The following VSTM2B variants were observed in gnomAD, a reference collection of about 807,000 sequenced individuals.
VSTM2B encodes the protein V-set and transmembrane domain-containing protein 2B.
Under a neutral mutation model 24.0 loss-of-function variants are expected in VSTM2B, and 24 were observed. The ratio of observed to expected loss-of-function variants is 1.00; its 90% CI spans 0.72 to 1.40. The LOEUF is 1.40. Ranked by LOEUF, VSTM2B falls within the 40% of genes most tolerant of loss-of-function variation. VSTM2B has a pLI of 0.00. For synonymous variants in VSTM2B, 226 were observed against 194.4 expected (o/e 1.16, Z -1.35); for missense variants, 399 against 416.4 (o/e 0.96, Z 0.36).
chr19:29,547,245 C>G (rs1381989961), intron 4 of VSTM2B, among the ~76,000 whole-genome samples: 1 of 152,176 alleles, frequency 6.6e-6, no homozygotes, highest in Non-Finnish European at 1.5e-5. Context: ...TTCTGCAATT[C>G]AGATTCAATG....
chr19:29,563,790 C>A, intron 4 of VSTM2B, 56 bp from the exon 5 acceptor site: 3 of 1,477,150 alleles, frequency 2.0e-6, no homozygotes, highest in Non-Finnish European at 2.8e-6. Context: ...CTGCTGTGAG[C>A]TCCTAGGTTC....
intron 4 of VSTM2B, among the ~76,000 whole-genome samples, chr19:29,541,795 G>T (rs1847333403): frequency 2.0e-5 from 3 of 151,616 alleles, no homozygotes; most frequent in African/African-American, 7.3e-5. Context: ...AAGGATAAAT[G>T]AATGGGTGAA....
intron 4 of VSTM2B, among the ~76,000 whole-genome samples, chr19:29,554,471 A>T (rs1970362488): frequency 1.3e-5 from 2 of 152,222 alleles, no homozygotes; most frequent in Admixed American, 6.5e-5. Flanking sequence ...AAACACACTG[A>T]AGTACAAAGA....
chr19:29,553,254 T>C (rs954241789), intron 4 of VSTM2B, among the ~76,000 whole-genome samples: 1 of 152,208 alleles, frequency 6.6e-6, no homozygotes, highest in Non-Finnish European at 1.5e-5. Context: ...CAGGCAGCCA[T>C]CTTTGCTGTT....
Position 29,529,828 on chromosome 19 carries a change from G to T in VSTM2B, c.307G>T (p.Val103Phe). ...CCCTGCTCTCTTGCAGACCGTACGC[G>T]TCCAGGGCAATGACATCTCACACCG... is the stretch of plus-strand genomic sequence containing the variant. ...KDATKISTVR[V>F]QGNDISHRLR... is the part of the protein sequence containing the mutation. Residue 103 changes from valine to phenylalanine, a missense_variant, in exon 4 of 5, where the codon GTC (valine) becomes TTC (phenylalanine). Coordinates refer to ENST00000335523, the MANE Select transcript of VSTM2B (RefSeq NM_001146339.2). The T allele has an allele frequency of 6.5e-7, 1 of 1,549,642 alleles. No individual in the cohort carries two copies. The highest frequency in any genetic ancestry group is 2.4e-5 in the East Asian group (1 of 40,858).
At chr19:29,528,401 C>T in intron 2 of VSTM2B, 32 bp from the exon 3 acceptor site, 1 of 1,551,140 alleles carries the variant, frequency 6.4e-7, no homozygotes, top group South Asian at 1.2e-5. Flanking sequence ...GGCCGCGAGC[C>T]TCACGTCTCT....
chr19:29,530,343 CT>C, intron 4 of VSTM2B, 53 bp downstream of exon 4: 1 of 1,415,748 alleles, frequency 7.1e-7, no homozygotes, highest in South Asian at 1.4e-5. Context: ...AGGGCTAGGG[CT>C]GCGCCGGGAC....
intron 4 of VSTM2B, among the ~76,000 whole-genome samples, chr19:29,532,503 C>T (rs936459202): frequency 2.0e-5 from 3 of 152,112 alleles, no homozygotes; most frequent in African/African-American, 7.2e-5. Flanking sequence ...CCCTTGGGCC[C>T]CAGCAAGGAA....
At chr19:29,549,571 G>T (rs567541783) in intron 4 of VSTM2B, among the ~76,000 whole-genome samples, 35 of 151,212 alleles carry the variant, frequency 2.3e-4, no homozygotes, top group Admixed American at 1.7e-3. Context: ...CCCAGACACT[G>T]GCCCCAATGC....
chr19:29,556,467 C>T (rs1437100870), intron 4 of VSTM2B, among the ~76,000 whole-genome samples: 1 of 152,160 alleles, frequency 6.6e-6, no homozygotes, highest in African/African-American at 2.4e-5. Flanking sequence ...CCCTTGAAAA[C>T]CAGCACAGGA....
In VSTM2B at chr19:29,526,583, G is replaced by A. The variant is rs1389291471; in HGVS notation, c.-1G>A. The stretch of plus-strand genomic sequence containing the variant: ...CGCCGCCACCGCGCCCCCCGCGGGA[G>A]ATGGAACAGCGGAACCGGCTCGGTG... On this transcript the variant is annotated 5_prime_UTR_variant, in exon 1 of 5. Transcript: ENST00000335523. The surrounding 1 kb of genome is among the most constrained non-coding windows in gnomAD (Gnocchi z 4.1). The A allele has an allele frequency of 1.3e-6, 2 of 1,516,802 alleles. No individual in the cohort carries two copies. The highest frequency in any genetic ancestry group is 1.8e-6 in the Non-Finnish European group (2 of 1,137,896). The allele number at this position is 1,516,802 out of a possible 1,614,324, so 94.0% of individuals were successfully genotyped here.
chr19:29,559,422 G>A (rs1261656550), intron 4 of VSTM2B, among the ~76,000 whole-genome samples: 1 of 152,126 alleles, frequency 6.6e-6, no homozygotes, highest in East Asian at 1.9e-4. Context: ...GAGAACACAT[G>A]GACACGGGAG....
At chr19:29,559,432 G>A (rs1970480475) in intron 4 of VSTM2B, among the ~76,000 whole-genome samples, 1 of 152,172 alleles carries the variant, frequency 6.6e-6, no homozygotes. Flanking sequence ...GGACACGGGA[G>A]GGGAACGTCA....
intron 4 of VSTM2B, among the ~76,000 whole-genome samples, chr19:29,544,138 A>T (rs1020037838): frequency 1.3e-5 from 2 of 151,262 alleles, no homozygotes; most frequent in African/African-American, 4.9e-5. Flanking sequence ...TATGCACATT[A>T]TATTAAATAT....
intron 4 of VSTM2B, among the ~76,000 whole-genome samples, chr19:29,563,506 G>A (rs1175605038): frequency 6.6e-6 from 1 of 152,084 alleles, no homozygotes. Flanking sequence ...GCCTCCCAAA[G>A]TGTTGGGATT....
At chr19:29,558,536 A>G (rs1970462330) in intron 4 of VSTM2B, among the ~76,000 whole-genome samples, 1 of 152,246 alleles carries the variant, frequency 6.6e-6, no homozygotes, top group Non-Finnish European at 1.5e-5. Flanking sequence ...ACCCATAAAA[A>G]GGAATGAGAT....
At chr19:29,527,500 G>C (rs566890264) in intron 2 of VSTM2B, 105 bp downstream of exon 2, 1 of 1,031,546 alleles carries the variant, frequency 9.7e-7, no homozygotes, top group South Asian at 2.0e-5. Context: ...GCAGGGCGCC[G>C]CCCTGTGGCG....
At chr19:29,540,837 C>G (rs1236190882) in intron 4 of VSTM2B, among the ~76,000 whole-genome samples, 1 of 152,124 alleles carries the variant, frequency 6.6e-6, no homozygotes, top group Non-Finnish European at 1.5e-5. Flanking sequence ...GGCTGGTACT[C>G]TAAAGGAGAG....
chr19:29,558,854 C>T (rs1970470530), intron 4 of VSTM2B, among the ~76,000 whole-genome samples: 1 of 151,992 alleles, frequency 6.6e-6, no homozygotes, highest in African/African-American at 2.4e-5. Flanking sequence ...CACAAGTGTC[C>T]CAATACTTGA....
Sources: allele counts gnomAD v4.1 joint callset (sites outside exome capture counted in the v4.1 genomes callset), GRCh38; gene constraint gnomAD v4.1.1; non-coding constraint Gnocchi (gnomAD v3.1); transcripts MANE v1.5; gene names NCBI Gene and HGNC (gene_info 2026-07-23, HGNC 2026-07-21).